RSPH14: variants seen among roughly 807,000 people sequenced by gnomAD.
The protein encoded by RSPH14 is radial spoke head 14 homolog.
RSPH14 carries 20 observed loss-of-function variants against 26.7 expected under a neutral mutation model. The observed-to-expected ratio is 0.75, with a 90% CI of 0.53 to 1.09. RSPH14 has a LOEUF of 1.09. RSPH14 is among the 50% of genes least tolerant of loss of function. The probability of loss-of-function intolerance (pLI) is 0.00; values close to 1 mark genes in which losing one functional copy is unlikely to be tolerated. For synonymous variants in RSPH14, 177 were observed against 189.3 expected, an observed-to-expected ratio of 0.93 and a Z score of 0.53; for missense variants, 449 against 457.2, an observed-to-expected ratio of 0.98 and a Z score of 0.16.
upstream of RSPH14, chr22:23,144,841 G>A (rs567745115): frequency 1.3e-3 from 195 of 153,374 alleles, no homozygotes; most frequent in Non-Finnish European, 2.3e-3. Context: ...ACTGAACCCC[G>A]GACTTCGAAG....
intron 4 of RSPH14, among the ~76,000 whole-genome samples, chr22:23,102,230 G>A (rs779405518): frequency 6.6e-6 from 1 of 152,240 alleles, no homozygotes; most frequent in East Asian, 1.9e-4. Flanking sequence ...AGTGAATGAT[G>A]GGTATCTGCT....
intron 6 of RSPH14, 104 bp from the exon 7 acceptor site, chr22:23,059,822 G>A: frequency 3.1e-6 from 4 of 1,289,906 alleles, no homozygotes; most frequent in Non-Finnish European, 4.1e-6. Context: ...GCAGTCTCAA[G>A]GGGTTTATGC....
intron 6 of RSPH14, among the ~76,000 whole-genome samples, chr22:23,060,469 CAAA>C (rs35204459): frequency 8.3e-6 from 1 of 120,468 alleles, no homozygotes; most frequent in Non-Finnish European, 1.8e-5. Flanking sequence ...GACTCCATCT[CAAA>C]AAAAAAAAAA....
chr22:23,176,829 G>A, the RSPH14 span, among the ~76,000 whole-genome samples: 5 of 152,192 alleles, frequency 3.3e-5, no homozygotes, highest in East Asian at 3.9e-4. Flanking sequence ...AAGTCACCCC[G>A]CTTCCTGTGC....
chr22:23,133,179 A>AT (rs1171518778), intron 4 of RSPH14, among the ~76,000 whole-genome samples: 1 of 152,240 alleles, frequency 6.6e-6, no homozygotes, highest in Non-Finnish European at 1.5e-5. Context: ...CTTGGTAGCC[A>AT]TAAGCTAGAA....
chr22:23,111,716 C>T (rs1569182135), intron 4 of RSPH14, among the ~76,000 whole-genome samples: 1 of 152,220 alleles, frequency 6.6e-6, no homozygotes, highest in African/African-American at 2.4e-5. Context: ...CACAAGACAG[C>T]CAGTACCTCC....
intron 3 of RSPH14, chr22:23,137,699 C>A: frequency 2.4e-6 from 1 of 415,388 alleles, no homozygotes; most frequent in Non-Finnish European, 4.3e-6. Context: ...GGCCTGTGCA[C>A]ACTGGGCAGT....
At position 23,059,603 on chromosome 22, in the gene RSPH14, G is replaced by T. The variant is rs1317041399; in HGVS notation, c.906C>A (p.Ala302=). 1.2e-6 allele frequency: 2 copies of T among 1,613,570 alleles called. No individual in the cohort carries two copies. Among genetic ancestry groups the T allele is most frequent in the Non-Finnish European group, 1.7e-6 (2 of 1,179,776 alleles). Residue 302 remains alanine, a synonymous_variant, in exon 7 of 7, where the codon GCC becomes GCA. Transcript: ENST00000216036. The part of the protein sequence containing the change: ...ATKALTMLAE[A]PEGRKALQTH... ...TCTGCAGGGCCTTGCGGCCCTCGGGGGCCTCTGCCAGCATGGTAAGGGCCT... is the reference window on the plus strand; with the variant it reads ...TCTGCAGGGCCTTGCGGCCCTCGGGTGCCTCTGCCAGCATGGTAAGGGCCT...
intron 4 of RSPH14, chr22:23,122,776 A>AG (rs2070068629): frequency 2.5e-6 from 1 of 400,512 alleles, no homozygotes; most frequent in East Asian, 4.1e-5. Flanking sequence ...GCGGTTTAGG[A>AG]GGCTGTGCTT....
chr22:23,156,083 T>G, the RSPH14 span: 1 of 1,521,972 alleles, frequency 6.6e-7, no homozygotes, highest in Non-Finnish European at 9.0e-7. Context: ...GCGGGGTCCC[T>G]GCCGGGCTCC....
At chr22:23,117,027 G>A (rs769886880) in intron 4 of RSPH14, among the ~76,000 whole-genome samples, 6 of 152,152 alleles carry the variant, frequency 3.9e-5, no homozygotes, top group Admixed American at 1.3e-4. Flanking sequence ...GGATCTGTGC[G>A]CCTCAGCTCC....
At chr22:23,171,855 CA>C in the RSPH14 span, among the ~76,000 whole-genome samples, 15 of 25,076 alleles carry the variant, frequency 6.0e-4, no homozygotes, top group East Asian at 2.9e-3. Flanking sequence ...AAAAAAAAAA[CA>C]AAAAAAAAAA....
At chr22:23,169,349 T>C in the RSPH14 span, among the ~76,000 whole-genome samples, 1 of 152,248 alleles carries the variant, frequency 6.6e-6, no homozygotes, top group Non-Finnish European at 1.5e-5. Flanking sequence ...TGACAGATGA[T>C]GGATGGTGGT....
chr22:23,104,199 G>A (rs2266998), intron 4 of RSPH14, among the ~76,000 whole-genome samples: 59,022 of 151,980 alleles, frequency 0.39, 13,641 homozygotes, highest in African/African-American at 0.66. Context: ...GCCCTGCAGC[G>A]GGATGACGGA....
chr22:23,150,293 CTTTTT>C, the RSPH14 span: 4 of 496,688 alleles, frequency 8.1e-6, no homozygotes, highest in Non-Finnish European at 1.4e-5. Flanking sequence ...CTGGGGTTTT[CTTTTT>C]TTTTTCTTTT....
Position 23,130,079 on chromosome 22 carries a change from GAAAGGAAGAAAGAAAGAA to G in RSPH14, c.421+3929_421+3946del, listed in dbSNP as rs1431306778. On this transcript the variant is annotated intron_variant, in intron 4 of 6. Transcript: ENST00000216036. ...AAAGAAAAAGAAAGAAAGAAAGAAA[GAAAGGAAGAAAGAAAGAA>G]AGAAAGAAAGAAAGAAAGAAAGAAA... Among the ~76,000 whole-genome samples the G allele has an allele frequency of 2.3e-4, 7 of 30,498 alleles. 1 individual carries two copies. Among genetic ancestry groups the G allele is most frequent in the African/African-American group, 1.2e-3 (7 of 5,658 alleles). 20.0% of individuals were successfully genotyped at this position (30,498 alleles called of 152,430 possible).
chr22:23,159,059 G>A, the RSPH14 span: 2 of 1,581,842 alleles, frequency 1.3e-6, no homozygotes, highest in East Asian at 2.3e-5. Context: ...GGAGCCATGG[G>A]GAGGGAGGGA....
At chr22:23,132,219 A>G (rs2070372205) in intron 4 of RSPH14, among the ~76,000 whole-genome samples, 1 of 152,168 alleles carries the variant, frequency 6.6e-6, no homozygotes, top group Non-Finnish European at 1.5e-5. Flanking sequence ...GGGCAGAGGG[A>G]ACCCAGGTTC....
chr22:23,169,784 A>G, the RSPH14 span, among the ~76,000 whole-genome samples: 1 of 152,134 alleles, frequency 6.6e-6, no homozygotes, highest in Non-Finnish European at 1.5e-5. Flanking sequence ...GCACCCACCC[A>G]CAAGGGGCCT....
Sources: allele counts gnomAD v4.1 joint callset (sites outside exome capture counted in the v4.1 genomes callset), GRCh38; gene constraint gnomAD v4.1.1; transcripts MANE v1.5; gene names NCBI Gene and HGNC (gene_info 2026-07-23, HGNC 2026-07-21).